SFTPD: variants seen among roughly 807,000 people sequenced by gnomAD.
SFTPD encodes surfactant protein D.
In SFTPD, 18 loss-of-function variants were observed where a neutral mutation model predicts 34.6. That is an observed-to-expected ratio of 0.52 (90% CI 0.36 to 0.77). SFTPD has a LOEUF of 0.77. Among genes scored for constraint, SFTPD ranks in the 30% least tolerant of loss-of-function variants. SFTPD has a pLI of 0.00. For missense variants in SFTPD, 433 were observed against 468.9 expected (o/e 0.92, Z 0.71); for synonymous variants, 155 against 180.9 (o/e 0.86, Z 1.15).
chr10:79,938,152 C>T lies in SFTPD; in HGVS notation c.828G>A (p.Glu276=). Residue 276 remains glutamate, a synonymous_variant, in exon 8 of 8, where the codon GAG becomes GAA. Coordinates refer to ENST00000372292, the MANE Select transcript of SFTPD (RefSeq NM_003019.5). Reference sequence around the variant, plus strand: ...CAGCCTGTGTGCACAGCAGCTGTGCCTCCGTAAATGGTTTTACAAAGCCTG... The same window carrying T: ...CAGCCTGTGTGCACAGCAGCTGTGCTTCCGTAAATGGTTTTACAAAGCCTG... ...KTAGFVKPFT[E]AQLLCTQAGG... The T allele has an allele frequency of 1.2e-6, 2 of 1,611,578 alleles. No homozygotes were observed. The highest frequency in any genetic ancestry group is 2.2e-5 in the East Asian group (1 of 44,776).
rs6413519 is a variant in SFTPD at position 79,941,931 on chromosome 10, G to C, written c.550+23C>G. Reference sequence around the variant, plus strand: ...GCACAGGAGAACTGGACCCAGCCCAGCCCAGCTCTTTCCACTGCTCACCTG... The same window carrying C: ...GCACAGGAGAACTGGACCCAGCCCACCCCAGCTCTTTCCACTGCTCACCTG... On this transcript the variant is annotated intron_variant, in intron 5 of 7. Transcript: ENST00000372292. The C allele has an allele frequency of 1.6e-3, 2,473 of 1,507,610 alleles. 38 individuals are homozygous for C. In the African/African-American group the frequency reaches 0.03, roughly 18 times the overall value. The allele number at this position is 1,507,610 out of a possible 1,614,324, so 93.4% of individuals were successfully genotyped here. A position where few individuals can be genotyped will look rare whatever the true frequency, so the allele number is the denominator to read the frequency against.
chr10:79,982,106 C>A, intron 1 of SFTPD: 1 of 307,002 alleles, frequency 3.3e-6, no homozygotes. Flanking sequence ...TGCCCTCTAG[C>A]TCCCGCGCTC....
chr10:79,977,175 A>G lies in SFTPD; in HGVS notation c.36+5400T>C, dbSNP rs916488533. Among the ~76,000 whole-genome samples the G allele has an allele frequency of 3.3e-5, 5 of 152,178 alleles. No individual in the cohort carries two copies. In the East Asian group the frequency reaches 9.6e-4, roughly 29 times the overall value. The stretch of plus-strand genomic sequence containing the variant: ...GTGGCCATTTCACCTCTGGAGCCAA[A>G]CTCAGCTTAGTTCCTGGCTGGGTGC... On this transcript the variant is annotated intron_variant, in intron 1 of 5. Transcript: ENST00000444384.
upstream of SFTPD, chr10:79,950,124 T>C (rs1842701322): frequency 6.6e-6 from 1 of 152,194 alleles, no homozygotes; most frequent in African/African-American, 2.4e-5. Flanking sequence ...ATTACAAGTG[T>C]AAGCCATCAT....
chr10:79,939,585 T>C (rs1293647926), intron 7 of SFTPD, among the ~76,000 whole-genome samples: 1 of 152,154 alleles, frequency 6.6e-6, no homozygotes, highest in East Asian at 1.9e-4. Context: ...TGAGTGATGG[T>C]GTTTAAGTGC....
chr10:79,946,747 A>G (rs1842669996), intron 1 of SFTPD, 85 bp from the exon 2 acceptor site: 1 of 1,235,942 alleles, frequency 8.1e-7, no homozygotes, highest in Admixed American at 2.0e-5. Flanking sequence ...AGAGGTGACA[A>G]GAAGCCCCCA....
upstream of SFTPD, among the ~76,000 whole-genome samples, chr10:79,954,041 C>T (rs1245975978): frequency 6.6e-6 from 1 of 150,600 alleles, no homozygotes; most frequent in African/African-American, 2.4e-5. Context: ...CTTTGTTATA[C>T]TTCTAATTTT....
intron 2 of SFTPD, among the ~76,000 whole-genome samples, chr10:79,944,487 A>G (rs1377524594): frequency 6.6e-6 from 1 of 152,050 alleles, no homozygotes; most frequent in Non-Finnish European, 1.5e-5. Context: ...CTATGAGAAG[A>G]GCAAATGGCA....
chr10:79,958,699 A>G (rs907279738), intron 1 of SFTPD, among the ~76,000 whole-genome samples: 1 of 152,192 alleles, frequency 6.6e-6, no homozygotes, highest in African/African-American at 2.4e-5. Context: ...ATAATGGGAG[A>G]CTTTAACACC....
intron 1 of SFTPD, among the ~76,000 whole-genome samples, chr10:79,955,734 C>A (rs1365637246): frequency 6.6e-6 from 1 of 152,160 alleles, no homozygotes; most frequent in Non-Finnish European, 1.5e-5. Context: ...TTGAAACTAC[C>A]TTTTTGGATG....
chr10:79,950,326 CCA>C (rs1333820640), upstream of SFTPD: 2 of 152,108 alleles, frequency 1.3e-5, no homozygotes, highest in Admixed American at 1.3e-4. Context: ...GGAGTATTGT[CCA>C]TTCATTTCCA....
intron 2 of SFTPD, among the ~76,000 whole-genome samples, chr10:79,945,446 A>G (rs1211770023): frequency 6.6e-6 from 1 of 152,184 alleles, no homozygotes; most frequent in African/African-American, 2.4e-5. Flanking sequence ...CTTTCCAGAA[A>G]GTTAAAGACT....
At chr10:79,965,552 T>A (rs1447304958) in intron 1 of SFTPD, among the ~76,000 whole-genome samples, 2 of 113,798 alleles carry the variant, frequency 1.8e-5, no homozygotes, top group East Asian at 1.1e-3. Flanking sequence ...TTTTTTTTTT[T>A]AATTTTTTAT....
intron 1 of SFTPD, among the ~76,000 whole-genome samples, chr10:79,957,882 G>A (rs1842749110): frequency 6.6e-6 from 1 of 152,170 alleles, no homozygotes; most frequent in Non-Finnish European, 1.5e-5. Flanking sequence ...AGGAAAAAAT[G>A]TTAAGGACAG....
At chr10:79,964,412 T>C (rs1842792044) in intron 1 of SFTPD, among the ~76,000 whole-genome samples, 1 of 152,194 alleles carries the variant, frequency 6.6e-6, no homozygotes, top group African/African-American at 2.4e-5. Context: ...AAAAAGCAGC[T>C]AGCATTCCAA....
At chr10:79,959,155 GGAAATTTAT>G (rs1842757142) in intron 1 of SFTPD, among the ~76,000 whole-genome samples, 1 of 150,500 alleles carries the variant, frequency 6.6e-6, no homozygotes, top group African/African-American at 2.5e-5. Flanking sequence ...GTGTGTAGAG[GGAAATTTAT>G]AGCACTAAAT....
At chr10:79,977,246 A>G (rs1842868323) in intron 1 of SFTPD, among the ~76,000 whole-genome samples, 1 of 152,136 alleles carries the variant, frequency 6.6e-6, no homozygotes, top group African/African-American at 2.4e-5. Context: ...AGTGACCCTC[A>G]ATCAAGATCT....
At chr10:79,949,856 A>ATT (rs5786427), upstream of SFTPD, among the ~76,000 whole-genome samples, 52,897 of 145,964 alleles carry the variant, frequency 0.36, 9,943 homozygotes, top group African/African-American at 0.44. Context: ...GTCTGTATGT[A>ATT]TTTTTTTTTT....
At chr10:79,940,832 G>T in intron 6 of SFTPD, 44 bp from the exon 7 acceptor site, 4 of 1,320,636 alleles carry the variant, frequency 3.0e-6, no homozygotes, top group Non-Finnish European at 4.4e-6. Flanking sequence ...TCCAGAGAGC[G>T]AAGGAAGAGC....
Sources: gnomAD v4.1 joint callset for allele counts (sites outside exome capture counted in the v4.1 genomes callset) on GRCh38, gnomAD v4.1.1 for gene constraint, MANE v1.5 for transcripts, NCBI Gene and HGNC (gene_info 2026-07-23, HGNC 2026-07-21) for gene names.